The following ZDHHC19 variants were observed in gnomAD, a reference collection of about 807,000 sequenced individuals.
ZDHHC19 encodes palmitoyltransferase ZDHHC19.
ZDHHC19 carries 30 observed loss-of-function variants against 33.9 expected under a neutral mutation model. That is an observed-to-expected ratio of 0.88 (90% CI 0.66 to 1.20). ZDHHC19 has a LOEUF of 1.20. Among genes scored for constraint, ZDHHC19 ranks in the 50% most tolerant of loss-of-function variants. The pLI is 0.00. For synonymous variants in ZDHHC19, 178 were observed against 167.6 expected (o/e 1.06, Z -0.48); for missense variants, 364 against 401.1 (o/e 0.91, Z 0.79).
chr3:196,198,911 C>T, intron 5 of ZDHHC19, 37 bp from the exon 6 acceptor site: 1 of 1,603,832 alleles, frequency 6.2e-7, no homozygotes, highest in Non-Finnish European at 8.5e-7. Context: ...GAGCTCAGAA[C>T]CAGCAGGAAT....
chr3:196,211,066 A>T (rs1560144131), intron 1 of ZDHHC19, 104 bp downstream of exon 1: 1 of 1,562,530 alleles, frequency 6.4e-7, no homozygotes, highest in Non-Finnish European at 8.7e-7. Flanking sequence ...CTTTTCCCTG[A>T]CCTCTCCCCC....
At chr3:196,198,109 G>A (rs2108707162) in intron 7 of ZDHHC19, among the ~76,000 whole-genome samples, 167 bp downstream of exon 7, 1 of 152,136 alleles carries the variant, frequency 6.6e-6, no homozygotes, top group South Asian at 2.1e-4. Context: ...AGAGGCCTGG[G>A]CCCTGCTTCC....
In ZDHHC19 at chr3:196,204,413, T is replaced by C. The variant is rs574709952; in HGVS notation, c.687+2985A>G. ...TAAATGGAGAGGTGTGGCATGTTCA[T>C]GAATTCACTCAATCTTGTTAGAATG... is the stretch of plus-strand genomic sequence containing the variant. On this transcript the variant is annotated intron_variant, in intron 5 of 7. Transcript: ENST00000296326. Among the ~76,000 whole-genome samples, 24 of 152,342 alleles carry C rather than the reference T, an allele frequency of 1.6e-4. No homozygotes were observed. In the South Asian group the frequency reaches 4.8e-3, roughly 30 times the overall value.
At chr3:196,209,586 C>T in intron 2 of ZDHHC19, 71 bp from the exon 3 acceptor site, 1 of 1,544,904 alleles carries the variant, frequency 6.5e-7, no homozygotes, top group South Asian at 1.2e-5. Flanking sequence ...AGCTCCACGG[C>T]ATCACAGGGC....
At chr3:196,198,968 A>G in intron 5 of ZDHHC19, 94 bp from the exon 6 acceptor site, 1 of 1,325,788 alleles carries the variant, frequency 7.5e-7, no homozygotes, top group East Asian at 2.4e-5. Flanking sequence ...TCAGCTAGCC[A>G]GGGCTCAGCC....
At chr3:196,202,041 G>A (rs527992495) in intron 5 of ZDHHC19, among the ~76,000 whole-genome samples, 35 of 152,142 alleles carry the variant, frequency 2.3e-4, no homozygotes, top group Non-Finnish European at 2.8e-4. Flanking sequence ...TCCAGGGGCC[G>A]GGCGTGGTGG....
intron 6 of ZDHHC19, 74 bp downstream of exon 6, chr3:196,198,715 T>C: frequency 6.2e-7 from 1 of 1,607,116 alleles, no homozygotes; most frequent in Non-Finnish European, 8.5e-7. Context: ...GGGGCTGTGG[T>C]AAGGAGCCAG....
rs747252197 is a variant in ZDHHC19, at chr3:196,198,570, C to T, written c.774-119G>A. On this transcript the variant is annotated intron_variant, in intron 6 of 7. Transcript: ENST00000296326. ...AGCTCTGCAGGAAGCTGAGGCCAGC[C>T]TCATCCAGGATGCAGCAGCCCTGTA... is the stretch of plus-strand genomic sequence containing the variant. The T allele has an allele frequency of 7.1e-6, 11 of 1,553,614 alleles. No individual in the cohort carries two copies. The South Asian group carries it at 1.3e-4, about 18-fold the overall frequency.
Position 196,203,542 on chromosome 3 carries a change from T to A in ZDHHC19, c.687+3856A>T, listed in dbSNP as rs762045276. Among the ~76,000 whole-genome samples, 1 of 151,944 alleles carries A rather than the reference T, an allele frequency of 6.6e-6. No homozygotes were observed. Among genetic ancestry groups the A allele is most frequent in the Non-Finnish European group, 1.5e-5 (1 of 67,960 alleles). ...GCCCAGGGATGGAGGAGGAAGGGAA[T>A]GAGATTTGGGGCATGTGAAGAAGGC... On this transcript the variant is annotated intron_variant, in intron 5 of 7. Coordinates refer to ENST00000296326, the MANE Select transcript of ZDHHC19 (RefSeq NM_001039617.2). The surrounding 1 kb of genome is among the most constrained non-coding windows in gnomAD (Gnocchi z 4.3).
chr3:196,209,014 C>A (rs1577330640), intron 3 of ZDHHC19: 1 of 295,186 alleles, frequency 3.4e-6, no homozygotes, highest in South Asian at 5.9e-5. Context: ...GACACCCAGG[C>A]GAGGACAGGC....
At chr3:196,206,116 A>G (rs951382466) in intron 5 of ZDHHC19, among the ~76,000 whole-genome samples, 1 of 151,864 alleles carries the variant, frequency 6.6e-6, no homozygotes, top group Non-Finnish European at 1.5e-5. Flanking sequence ...CAATGACACA[A>G]TCTCGGCTCA....
chr3:196,211,339 G>A lies in ZDHHC19; in HGVS notation c.-24C>T, dbSNP rs1420022384. 1.3e-6 allele frequency: 2 copies of A among 1,585,478 alleles called. No individual in the cohort carries two copies. Among genetic ancestry groups the A allele is most frequent in the East Asian group, 2.2e-5 (1 of 44,652 alleles). ...ATGGCTGGGCCTCCTTCGCCTCCAG[G>A]GGAGGTCAGAGCCACCAGGCTTCCT... On this transcript the variant is annotated 5_prime_UTR_variant, in exon 1 of 8. Transcript: ENST00000296326.
At chr3:196,211,052 TCC>T in intron 1 of ZDHHC19, 116 bp downstream of exon 1, 5 of 1,514,094 alleles carry the variant, frequency 3.3e-6, no homozygotes, top group Non-Finnish European at 4.5e-6. Context: ...GAACAGAATA[TCC>T]CCTTTTCCCT....
At position 196,210,609 on chromosome 3, in the gene ZDHHC19, G is replaced by GCCTC. The variant is rs752557399; in HGVS notation, c.268+3_268+6dup. 3 of 1,613,974 alleles carry GCCTC rather than the reference G, an allele frequency of 1.9e-6. No homozygotes were observed. The highest frequency in any genetic ancestry group is 2.5e-6 in the Non-Finnish European group (3 of 1,179,920). ...CACCTCCTTTTCCCAGGGGGCTGAT[G>GCCTC]CCTCACCTTGATGTAAGATGCCAGG... On this transcript the variant is annotated splice_region_variant and intron_variant, in intron 2 of 7. Transcript: ENST00000296326.
At position 196,200,317 on chromosome 3, in the gene ZDHHC19, A is replaced by T. The variant is rs1722160404; in HGVS notation, c.688-1443T>A. ...AATAAAAATATATTGACAGAATTTTAAAATTTAGGGATATATATATATATA... is the reference window on the plus strand; with the variant it reads ...AATAAAAATATATTGACAGAATTTTTAAATTTAGGGATATATATATATATA... On this transcript the variant is annotated intron_variant, in intron 5 of 7. Coordinates refer to ENST00000296326, the MANE Select transcript of ZDHHC19 (RefSeq NM_001039617.2). Among the ~76,000 whole-genome samples the T allele has an allele frequency of 1.5e-5, 2 of 134,992 alleles. 1 individual carries two copies. Among genetic ancestry groups the T allele is most frequent in the African/African-American group, 5.3e-5 (2 of 37,946 alleles). The allele number at this position is 134,992 out of a possible 152,430, so 88.6% of individuals were successfully genotyped here.
At chr3:196,205,963 CAAT>C (rs2108731631) in intron 5 of ZDHHC19, among the ~76,000 whole-genome samples, 1 of 150,248 alleles carries the variant, frequency 6.7e-6, no homozygotes, top group South Asian at 2.1e-4. Flanking sequence ...TGCACCCGTC[CAAT>C]AAACTTGGCT....
chr3:196,202,980 G>A (rs947563981), intron 5 of ZDHHC19, among the ~76,000 whole-genome samples: 1 of 152,140 alleles, frequency 6.6e-6, no homozygotes, highest in Non-Finnish European at 1.5e-5. Context: ...AATGAATGGT[G>A]CCAGGCGCAG....
chr3:196,209,210 TGGA>T, intron 3 of ZDHHC19, 163 bp downstream of exon 3: 1 of 937,712 alleles, frequency 1.1e-6, no homozygotes, highest in South Asian at 1.8e-5. Flanking sequence ...CAGGTGCAGG[TGGA>T]GAACACATGA....
intron 4 of ZDHHC19, 46 bp downstream of exon 4, chr3:196,208,342 T>A: frequency 3.9e-6 from 5 of 1,281,856 alleles, no homozygotes; most frequent in Admixed American, 2.0e-5. Context: ...AGCCCCCTCC[T>A]TGGCTGTCCC....
Sources: gnomAD v4.1 joint callset for allele counts (sites outside exome capture counted in the v4.1 genomes callset) on GRCh38, gnomAD v4.1.1 for gene constraint, Gnocchi (gnomAD v3.1) non-coding constraint, MANE v1.5 for transcripts, NCBI Gene and HGNC (gene_info 2026-07-23, HGNC 2026-07-21) for gene names.